The following MIPOL1 variants were observed in gnomAD, a reference collection of about 807,000 sequenced individuals.
The protein encoded by MIPOL1 is mirror-image polydactyly 1.
A neutral mutation model predicts 60.9 loss-of-function variants in MIPOL1; 57 were observed. The observed-to-expected ratio is 0.94, with a 90% CI of 0.76 to 1.17. The LOEUF (loss-of-function observed/expected upper bound fraction) is 1.17. Among genes scored for constraint, MIPOL1 ranks in the 50% most tolerant of loss-of-function variants. The pLI, the probability that MIPOL1 is intolerant of heterozygous loss-of-function variation, is 0.00. For missense variants in MIPOL1, 551 were observed against 511.6 expected, an observed-to-expected ratio of 1.08 and a Z score of -0.74; for synonymous variants, 179 against 168.8, an observed-to-expected ratio of 1.06 and a Z score of -0.47.
chr14:37,215,739 A>G (rs1336820648), intron 1 of MIPOL1, among the ~76,000 whole-genome samples: 1 of 152,228 alleles, frequency 6.6e-6, no homozygotes, highest in Non-Finnish European at 1.5e-5. Context: ...TGCCTACAAG[A>G]AACACACTTC....
chr14:37,199,649 C>T (rs527344456), intron 1 of MIPOL1, among the ~76,000 whole-genome samples: 14 of 152,120 alleles, frequency 9.2e-5, no homozygotes, highest in African/African-American at 2.7e-4. Context: ...CTCAGCCTCC[C>T]GAGTAGCTGG....
chr14:37,204,244 A>G (rs542633282), intron 1 of MIPOL1, among the ~76,000 whole-genome samples: 1 of 152,264 alleles, frequency 6.6e-6, no homozygotes, highest in Admixed American at 6.5e-5. Context: ...TCAATTTCTG[A>G]TTTTTAGCAA....
intron 6 of MIPOL1, among the ~76,000 whole-genome samples, chr14:37,279,699 A>G (rs902939778): frequency 1.3e-5 from 2 of 152,124 alleles, no homozygotes; most frequent in African/African-American, 2.4e-5. Context: ...ATGAAGTGCA[A>G]TGTGATGTTT....
At chr14:37,477,816 G>A (rs2094800978) in intron 11 of MIPOL1, among the ~76,000 whole-genome samples, 1 of 152,212 alleles carries the variant, frequency 6.6e-6, no homozygotes, top group South Asian at 2.1e-4. Flanking sequence ...TGGCATGTGT[G>A]CAGGCTGGAT....
At position 37,526,763 on chromosome 14, in the gene MIPOL1, C is replaced by T. The variant is rs529171953; in HGVS notation, c.1263-20142C>T. Among the ~76,000 whole-genome samples the T allele has an allele frequency of 2.6e-5, 4 of 152,006 alleles. No individual in the cohort carries two copies. In the East Asian group the frequency reaches 5.8e-4, roughly 22 times the overall value. Reference sequence around the variant, plus strand: ...CAAACATATTTTTGTGTAGTTCTTTCGATAAATCTGTAAGATAAATTCCTA... The same window carrying T: ...CAAACATATTTTTGTGTAGTTCTTTTGATAAATCTGTAAGATAAATTCCTA... On this transcript the variant is annotated intron_variant, in intron 12 of 12. Coordinates refer to ENST00000684589, the MANE Select transcript of MIPOL1 (RefSeq NM_001388067.1).
chr14:37,200,070 G>A (rs983750236), intron 1 of MIPOL1, among the ~76,000 whole-genome samples: 1 of 152,120 alleles, frequency 6.6e-6, no homozygotes, highest in Non-Finnish European at 1.5e-5. Context: ...TTTCCCTAAT[G>A]ACTGATGGTA....
intron 9 of MIPOL1, among the ~76,000 whole-genome samples, chr14:37,356,638 G>A (rs2092438944): frequency 1.3e-5 from 2 of 152,222 alleles, no homozygotes; most frequent in South Asian, 4.1e-4. Context: ...TGTCAGAAAA[G>A]CGCAGTATTC....
At chr14:37,356,042 C>G (rs2153478154) in intron 9 of MIPOL1, among the ~76,000 whole-genome samples, 1 of 145,450 alleles carries the variant, frequency 6.9e-6, no homozygotes, top group African/African-American at 2.5e-5. Flanking sequence ...GTGGTTTTAT[C>G]TACTTTTGGT....
chr14:37,415,181 T>G (rs1307458777), intron 10 of MIPOL1, among the ~76,000 whole-genome samples: 2 of 152,174 alleles, frequency 1.3e-5, no homozygotes, highest in African/African-American at 4.8e-5. Context: ...TGTCACTAAA[T>G]GGACTAACAT....
chr14:37,356,598 A>G (rs1354187851), intron 9 of MIPOL1, among the ~76,000 whole-genome samples: 2 of 152,198 alleles, frequency 1.3e-5, no homozygotes, highest in East Asian at 1.9e-4. Context: ...GGTGCGGGAT[A>G]TAATCTCATG....
chr14:37,319,541 G>T (rs1411546127), intron 9 of MIPOL1, among the ~76,000 whole-genome samples: 1 of 152,112 alleles, frequency 6.6e-6, no homozygotes, highest in Non-Finnish European at 1.5e-5. Context: ...ATGAACATAA[G>T]TCTGAGGAGA....
chr14:37,288,719 G>C lies in MIPOL1; in HGVS notation c.623+3272G>C, dbSNP rs150056373. On this transcript the variant is annotated intron_variant, in intron 7 of 12. Coordinates refer to ENST00000684589, the MANE Select transcript of MIPOL1 (RefSeq NM_001388067.1). ...CCAGCTACTTTATAGGCTGAGGTGG[G>C]AGGATCGCTTGAGCCTCAGAGATGG... is the stretch of plus-strand genomic sequence containing the variant. 8.5e-5 allele frequency among the ~76,000 whole-genome samples: 13 copies of C among 152,172 alleles called. No homozygotes were observed. The East Asian group carries it at 2.5e-3, about 29-fold the overall frequency.
At chr14:37,272,634 T>A (rs2083378906) in intron 6 of MIPOL1, among the ~76,000 whole-genome samples, 1 of 151,534 alleles carries the variant, frequency 6.6e-6, no homozygotes, top group Non-Finnish European at 1.5e-5. Flanking sequence ...AAGAGCAGTA[T>A]AGGACTATGA....
chr14:37,365,419 G>T (rs1270246177), intron 9 of MIPOL1, among the ~76,000 whole-genome samples: 1 of 151,986 alleles, frequency 6.6e-6, no homozygotes, highest in Non-Finnish European at 1.5e-5. Context: ...TATCATGAAG[G>T]GATGTTAAAT....
intron 12 of MIPOL1, among the ~76,000 whole-genome samples, chr14:37,543,532 C>G (rs1327957988): frequency 6.6e-6 from 1 of 152,202 alleles, no homozygotes; most frequent in Admixed American, 6.5e-5. Flanking sequence ...CCGTCTCGGC[C>G]TCCCAAAGTG....
chr14:37,481,843 A>T (rs974460960), intron 11 of MIPOL1, among the ~76,000 whole-genome samples: 1 of 152,200 alleles, frequency 6.6e-6, no homozygotes, highest in Non-Finnish European at 1.5e-5. Context: ...GGAAAAGGAT[A>T]GTCTTTTCAA....
At chr14:37,281,370 T>C (rs2084089787) in intron 6 of MIPOL1, among the ~76,000 whole-genome samples, 1 of 152,126 alleles carries the variant, frequency 6.6e-6, no homozygotes. Flanking sequence ...CAGTGTGTCT[T>C]TTTATGACAA....
chr14:37,212,309 C>T (rs1027218832), intron 1 of MIPOL1: 4 of 152,130 alleles, frequency 2.6e-5, no homozygotes, highest in African/African-American at 9.7e-5. Flanking sequence ...TCTTGGATGA[C>T]ATTTCTGGAC....
chr14:37,395,023 TC>T (rs1285298609), intron 10 of MIPOL1, among the ~76,000 whole-genome samples: 1 of 152,150 alleles, frequency 6.6e-6, no homozygotes, highest in Non-Finnish European at 1.5e-5. Flanking sequence ...GAAAAGGGTG[TC>T]CTTTCCCCAC....
Sources: allele counts gnomAD v4.1 joint callset (sites outside exome capture counted in the v4.1 genomes callset), GRCh38; gene constraint gnomAD v4.1.1; transcripts MANE v1.5; gene names NCBI Gene and HGNC (gene_info 2026-07-23, HGNC 2026-07-21).